Variants in ASTN1 observed in about 807,000 individuals in gnomAD.
ASTN1 encodes the protein astrotactin-1.
Under a neutral mutation model 140.7 loss-of-function variants are expected in ASTN1, and 41 were observed. That is an observed-to-expected ratio of 0.29 (90% CI 0.23 to 0.38). ASTN1 has a LOEUF of 0.38. ASTN1 is among the 10% of genes least tolerant of loss of function. ASTN1 has a pLI of 1.00. For synonymous variants in ASTN1, 640 were observed against 652.2 expected (o/e 0.98, Z 0.29); for missense variants, 1,479 against 1,678.8 (o/e 0.88, Z 2.08).
intron 16 of ASTN1, among the ~76,000 whole-genome samples, chr1:176,902,922 A>G (rs1669830248): frequency 6.6e-6 from 1 of 152,234 alleles, no homozygotes; most frequent in African/African-American, 2.4e-5. Flanking sequence ...ACTGCTGGGA[A>G]GCCCTAAAGC....
chr1:177,052,417 A>T (rs1677586587), intron 2 of ASTN1, among the ~76,000 whole-genome samples: 1 of 152,178 alleles, frequency 6.6e-6, no homozygotes, highest in Admixed American at 6.5e-5. Flanking sequence ...CAGCCCTATA[A>T]AGTAGGATTT....
intron 1 of ASTN1, among the ~76,000 whole-genome samples, chr1:177,133,347 C>T (rs1219673230): frequency 6.6e-6 from 1 of 152,218 alleles, no homozygotes; most frequent in Non-Finnish European, 1.5e-5. Flanking sequence ...AAAGCCCAAG[C>T]TCTTCTTCTC....
intron 5 of ASTN1, among the ~76,000 whole-genome samples, chr1:177,026,972 C>T (rs1558040805): frequency 6.6e-6 from 1 of 152,168 alleles, no homozygotes; most frequent in South Asian, 2.1e-4. Context: ...GAATCAAGCT[C>T]ATGTACTTTC....
chr1:177,128,718 C>G (rs993941426), intron 1 of ASTN1, among the ~76,000 whole-genome samples: 5 of 152,162 alleles, frequency 3.3e-5, no homozygotes, highest in African/African-American at 1.2e-4. Context: ...GACTAATCTC[C>G]TATGGGGCAA....
chr1:176,923,888 C>T (rs902776300), intron 16 of ASTN1, among the ~76,000 whole-genome samples: 6 of 152,206 alleles, frequency 3.9e-5, no homozygotes, highest in African/African-American at 1.4e-4. Flanking sequence ...GTAGAATCTT[C>T]CCTTCCCTTA....
intron 16 of ASTN1, among the ~76,000 whole-genome samples, chr1:176,933,309 C>A (rs77764817): frequency 1.2e-4 from 18 of 152,204 alleles, no homozygotes; most frequent in Non-Finnish European, 1.8e-4. Context: ...TCAGAGGAGA[C>A]CTTCCTTGGT....
chr1:177,148,529 G>A (rs1458471523), intron 1 of ASTN1, among the ~76,000 whole-genome samples: 3 of 151,976 alleles, frequency 2.0e-5, no homozygotes, highest in Non-Finnish European at 4.4e-5. Context: ...AGAATTCTGG[G>A]TATTCTTGGG....
intron 1 of ASTN1, among the ~76,000 whole-genome samples, chr1:177,080,801 A>T (rs187283420): frequency 1.3e-5 from 2 of 152,306 alleles, no homozygotes; most frequent in African/African-American, 2.4e-5. Flanking sequence ...CCCAACTCTG[A>T]CATTTGCTAG....
Position 176,957,622 on chromosome 1 carries a change from C to T in ASTN1, c.1887+56G>A, listed in dbSNP as rs981898828. ...TATGTATCTGTATTGTGTCTTCCCC[C>T]GTGCCTTTCCTCCCCATCCTCAAAC... On this transcript the variant is annotated intron_variant, in intron 11 of 22. Coordinates refer to ENST00000361833, the MANE Select transcript of ASTN1 (RefSeq NM_004319.3). 17 of 1,595,756 alleles carry T rather than the reference C, an allele frequency of 1.1e-5. No individual in the cohort carries two copies. In the East Asian group the frequency reaches 1.8e-4, roughly 17 times the overall value.
chr1:177,067,327 G>C (rs1678411876), intron 1 of ASTN1, among the ~76,000 whole-genome samples: 1 of 152,122 alleles, frequency 6.6e-6, no homozygotes, highest in Non-Finnish European at 1.5e-5. Context: ...CAGCCATTAT[G>C]AGCTTCCCTA....
At chr1:176,989,192 T>A (rs1465418108) in intron 8 of ASTN1, among the ~76,000 whole-genome samples, 1 of 152,170 alleles carries the variant, frequency 6.6e-6, no homozygotes, top group African/African-American at 2.4e-5. Context: ...TGATTATAAG[T>A]GTGATGGGGA....
intron 16 of ASTN1, among the ~76,000 whole-genome samples, chr1:176,895,474 T>C (rs1357221002): frequency 2.6e-5 from 4 of 152,232 alleles, no homozygotes; most frequent in Admixed American, 1.3e-4. Flanking sequence ...AGCTGGGATT[T>C]GAATCCACTT....
At chr1:176,886,451 G>A (rs1450967080) in intron 18 of ASTN1, among the ~76,000 whole-genome samples, 3 of 152,194 alleles carry the variant, frequency 2.0e-5, no homozygotes, top group African/African-American at 7.2e-5. Context: ...AGTTCTCCTA[G>A]TGGCTCCCTT....
intron 1 of ASTN1, among the ~76,000 whole-genome samples, chr1:177,132,169 T>G (rs12070572): frequency 0.16 from 24,258 of 152,148 alleles, 3,952 homozygotes; most frequent in African/African-American, 0.42. Context: ...ATATATTACC[T>G]TTATAATTGA....
chr1:176,988,400 A>G (rs1674009508), intron 8 of ASTN1, among the ~76,000 whole-genome samples: 1 of 152,108 alleles, frequency 6.6e-6, no homozygotes, highest in Non-Finnish European at 1.5e-5. Flanking sequence ...GAAAAGCTGA[A>G]GGCCAAGGTC....
At chr1:177,033,253 A>G (rs1311224467) in intron 2 of ASTN1, among the ~76,000 whole-genome samples, 1 of 151,918 alleles carries the variant, frequency 6.6e-6, no homozygotes, top group Non-Finnish European at 1.5e-5. Flanking sequence ...TTTTTTAGCA[A>G]TATGGGGTGA....
chr1:177,110,289 CAA>C (rs1680760749), intron 1 of ASTN1, among the ~76,000 whole-genome samples: 1 of 152,178 alleles, frequency 6.6e-6, no homozygotes, highest in Admixed American at 6.5e-5. Context: ...AAAGATCAAA[CAA>C]GGACTAAGTT....
chr1:177,155,276 A>G (rs1683191266), intron 1 of ASTN1, among the ~76,000 whole-genome samples: 1 of 152,232 alleles, frequency 6.6e-6, no homozygotes, highest in Non-Finnish European at 1.5e-5. Context: ...GTATGATTCT[A>G]TAACTGTGGA....
At chr1:177,103,297 T>A (rs1222481824) in intron 1 of ASTN1, among the ~76,000 whole-genome samples, 3 of 152,158 alleles carry the variant, frequency 2.0e-5, no homozygotes, top group Non-Finnish European at 2.9e-5. Context: ...ACTGAATAGA[T>A]CTAGAAGCCA....
Sources: gnomAD v4.1 joint callset for allele counts (sites outside exome capture counted in the v4.1 genomes callset) on GRCh38, gnomAD v4.1.1 for gene constraint, MANE v1.5 for transcripts, NCBI Gene and HGNC (gene_info 2026-07-23, HGNC 2026-07-21) for gene names.